ALG6: variants seen among roughly 807,000 people sequenced by gnomAD.
ALG6 encodes the protein dolichyl pyrophosphate Man9GlcNAc2 alpha-1,3-glucosyltransferase.
In ALG6, 46 loss-of-function variants were observed where a neutral mutation model predicts 66.6. That is an observed-to-expected ratio of 0.69 (90% CI 0.55 to 0.88). The LOEUF is 0.88. Among genes scored for constraint, ALG6 ranks in the 40% least tolerant of loss-of-function variants. The pLI, the probability that ALG6 is intolerant of heterozygous loss-of-function variation, is 0.00. For missense variants in ALG6, 505 were observed against 586.8 expected (o/e 0.86, Z 1.44); for synonymous variants, 185 against 203.7 (o/e 0.91, Z 0.78).
intron 2 of ALG6, among the ~76,000 whole-genome samples, chr1:63,392,547 G>GT (rs1260611862): frequency 6.6e-6 from 1 of 152,152 alleles, no homozygotes; most frequent in African/African-American, 2.4e-5. Context: ...TTTAAAGGCA[G>GT]TTAGTAGGTA....
intron 2 of ALG6, among the ~76,000 whole-genome samples, chr1:63,395,115 C>T (rs539163650): frequency 6.2e-4 from 94 of 152,182 alleles, no homozygotes; most frequent in African/African-American, 2.2e-3. Flanking sequence ...CTGCTCACCT[C>T]GGCCTCCCAA....
intron 14 of ALG6, 150 bp from the exon 15 acceptor site, chr1:63,436,672 TA>T: frequency 1.3e-6 from 1 of 741,150 alleles, no homozygotes; most frequent in Non-Finnish European, 2.3e-6. Flanking sequence ...CATATGATTC[TA>T]ATAGGAAGTC....
chr1:63,436,948 C>T lies in ALG6; in HGVS notation c.1452C>T (p.Phe484=), dbSNP rs150298974. 727 of 1,613,642 alleles carry T rather than the reference C, an allele frequency of 4.5e-4. 5 individuals carry two copies. The East Asian group carries it at 0.015, about 34-fold the overall frequency. Residue 484 remains phenylalanine (F), a synonymous_variant, in exon 15 of 15, where the codon TTC becomes TTT. Transcript: ENST00000263440. ...TTGTATCTTGCTTGAACTTCCTGTT[C>T]TTCTTGGTATACTTTAACATTATTA... ...VCFVSCLNFL[F]FLVYFNIIIM...
intron 3 of ALG6, among the ~76,000 whole-genome samples, chr1:63,401,409 T>A (rs1182075578): frequency 6.6e-6 from 1 of 152,146 alleles, no homozygotes; most frequent in Non-Finnish European, 1.5e-5. Context: ...CTCACCCCTG[T>A]AATCGCAGCA....
At position 63,410,766 on chromosome 1, in the gene ALG6, AT is replaced by A. The variant is rs554813514; in HGVS notation, c.495-371del. 2.8e-3 allele frequency among the ~76,000 whole-genome samples: 430 copies of A among 151,322 alleles called. 4 individuals are homozygous for A. Among genetic ancestry groups the A allele is most frequent in the African/African-American group, 9.4e-3 (390 of 41,318 alleles). On this transcript the variant is annotated intron_variant, in intron 7 of 14. Coordinates refer to ENST00000263440, the MANE Select transcript of ALG6 (RefSeq NM_013339.4). ...AGAGGAAGTGTAGCGATCTCAGTAAATTTTTTTTTAACTTGCTGTTGGAACA... is the reference window on the plus strand; with the variant it reads ...AGAGGAAGTGTAGCGATCTCAGTAAATTTTTTTTAACTTGCTGTTGGAACA...
intron 2 of ALG6, among the ~76,000 whole-genome samples, chr1:63,387,484 G>C (rs1648533851): frequency 7.2e-6 from 1 of 139,528 alleles, no homozygotes; most frequent in Admixed American, 7.3e-5. Flanking sequence ...TATATCTCTT[G>C]CTGAATTGAC....
At chr1:63,427,155 C>T (rs544203803) in intron 12 of ALG6, among the ~76,000 whole-genome samples, 4 of 150,930 alleles carry the variant, frequency 2.7e-5, no homozygotes, top group African/African-American at 4.9e-5. Context: ...CACGCACCAC[C>T]GTGTCCAGCT....
At chr1:63,429,885 A>G (rs12725177) in intron 14 of ALG6, 101 of 62,502 alleles carry the variant, frequency 1.6e-3, no homozygotes, top group Admixed American at 3.1e-3. Flanking sequence ...GTGTGTGTGT[A>G]TTTATTTATT....
At position 63,428,918 on chromosome 1, in the gene ALG6, T is replaced by A; in HGVS notation, c.1128-10T>A. On this transcript the variant is annotated splice_polypyrimidine_tract_variant and intron_variant, in intron 13 of 14. Coordinates refer to ENST00000263440, the MANE Select transcript of ALG6 (RefSeq NM_013339.4). ...ATTCTCTTGTGATTTTTAAAAATTT[T>A]CCTTTACAGTATGCTACCTCTTCTA... is the stretch of plus-strand genomic sequence containing the variant. 6.2e-7 allele frequency: 1 copy of A among 1,611,860 alleles called. No homozygotes were observed. The highest frequency in any genetic ancestry group is 8.5e-7 in the Non-Finnish European group (1 of 1,178,618).
At chr1:63,420,830 C>T (rs1171012266) in intron 12 of ALG6, among the ~76,000 whole-genome samples, 4 of 149,178 alleles carry the variant, frequency 2.7e-5, no homozygotes, top group African/African-American at 9.9e-5. Flanking sequence ...CACTGCACTC[C>T]AGCCTGGGCG....
At chr1:63,435,001 ATG>A (rs1644670199) in intron 14 of ALG6, among the ~76,000 whole-genome samples, 1 of 152,208 alleles carries the variant, frequency 6.6e-6, no homozygotes, top group South Asian at 2.1e-4. Flanking sequence ...TCAAATGCTA[ATG>A]AGAGAATCAA....
At chr1:63,436,073 G>A (rs1441323045) in intron 14 of ALG6, among the ~76,000 whole-genome samples, 2 of 152,116 alleles carry the variant, frequency 1.3e-5, no homozygotes, top group Admixed American at 1.3e-4. Context: ...TTTACTCATT[G>A]AAAGCATTTA....
rs1411879856 is a variant in ALG6 at position 63,433,012 on chromosome 1, G to C, written c.1327-3811G>C. Among the ~76,000 whole-genome samples the C allele has an allele frequency of 2.0e-5, 3 of 152,112 alleles. No homozygotes were observed. Among genetic ancestry groups the C allele is most frequent in the Non-Finnish European group, 4.4e-5 (3 of 68,008 alleles). On this transcript the variant is annotated intron_variant, in intron 14 of 14. Transcript: ENST00000263440. This position sits in a 1 kb window ranked among gnomAD's most constrained non-coding sequence, Gnocchi z 4.2. The stretch of plus-strand genomic sequence containing the variant: ...GGCTGGAGTGCAATGGCACGAACTT[G>C]GCTCACTGCAACCTCAACCTCCTGG...
intron 3 of ALG6, among the ~76,000 whole-genome samples, chr1:63,399,807 T>A (rs1336047834): frequency 6.6e-6 from 1 of 152,182 alleles, no homozygotes; most frequent in Non-Finnish European, 1.5e-5. Flanking sequence ...ATTTTTTTTT[T>A]ACTTACTAAA....
chr1:63,408,049 A>T (rs1043246631), intron 7 of ALG6, among the ~76,000 whole-genome samples: 25 of 152,208 alleles, frequency 1.6e-4, no homozygotes, highest in Admixed American at 6.5e-5. Context: ...TGTGACACTC[A>T]TGCAGAAAAC....
intron 12 of ALG6, among the ~76,000 whole-genome samples, chr1:63,422,421 ATATAAATATAAATATATATATAAATATAT>A (rs1387594845): frequency 0.012 from 437 of 37,018 alleles, 18 homozygotes; most frequent in African/African-American, 0.074. Flanking sequence ...ATAAATATAT[ATATAAATATAAATATATATATAAATATAT>A]ATATAAATAT....
intron 2 of ALG6, among the ~76,000 whole-genome samples, chr1:63,387,690 C>T (rs1648544550): frequency 6.6e-6 from 1 of 151,508 alleles, no homozygotes. Context: ...TACAGGTGTG[C>T]ACCACCACGC....
chr1:63,410,443 A>G (rs1557590946), intron 7 of ALG6, among the ~76,000 whole-genome samples: 1 of 151,928 alleles, frequency 6.6e-6, no homozygotes, highest in Admixed American at 6.6e-5. Flanking sequence ...TTTTGTAGAG[A>G]TGGGGTTTTG....
rs1212049242 is a variant in ALG6, at chr1:63,422,246, T to C, written c.1058+2806T>C. ...ATATAAATATAAATATATATATAAA[T>C]ATATATATTTATATAGATATAAATA... On this transcript the variant is annotated intron_variant, in intron 12 of 14. Transcript: ENST00000263440. Among the ~76,000 whole-genome samples, 4 of 48,950 alleles carry C rather than the reference T, an allele frequency of 8.2e-5. 2 individuals carry two copies. Among genetic ancestry groups the C allele is most frequent in the African/African-American group, 3.5e-4 (4 of 11,482 alleles). The allele number at this position is 48,950 out of a possible 152,430, so 32.1% of individuals were successfully genotyped here.
Sources: allele counts gnomAD v4.1 joint callset (sites outside exome capture counted in the v4.1 genomes callset), GRCh38; gene constraint gnomAD v4.1.1; non-coding constraint Gnocchi (gnomAD v3.1); transcripts MANE v1.5; gene names NCBI Gene and HGNC (gene_info 2026-07-23, HGNC 2026-07-21).